Variants in TBC1D5 observed in about 807,000 individuals in gnomAD.
The protein encoded by TBC1D5 is TBC1 domain family, member 5.
TBC1D5 carries 75 observed loss-of-function variants against 100.3 expected under a neutral mutation model. The observed-to-expected ratio is 0.75, with a 90% confidence interval of 0.62 to 0.91. The LOEUF is 0.91. TBC1D5 is among the 40% of genes least tolerant of loss of function. The pLI is 0.00. For missense variants in TBC1D5, 910 were observed against 942.4 expected (o/e 0.97, Z 0.45); for synonymous variants, 323 against 325.6 (o/e 0.99, Z 0.09).
intron 3 of TBC1D5, among the ~76,000 whole-genome samples, chr3:17,459,218 C>A (rs958914667): frequency 3.3e-5 from 5 of 152,088 alleles, no homozygotes; most frequent in Non-Finnish European, 5.9e-5. Flanking sequence ...CTTTTTGGCC[C>A]CAAAAACTGG....
chr3:17,684,308 T>C (rs1057204991), intron 1 of TBC1D5, among the ~76,000 whole-genome samples: 2 of 152,146 alleles, frequency 1.3e-5, no homozygotes, highest in Non-Finnish European at 2.9e-5. Flanking sequence ...AATATTCATA[T>C]ATTCAATATT....
chr3:17,580,494 C>T (rs956561947), intron 2 of TBC1D5, among the ~76,000 whole-genome samples: 5 of 151,986 alleles, frequency 3.3e-5, no homozygotes, highest in African/African-American at 7.2e-5. Context: ...CGATATGCTC[C>T]GCCTTCCTTC....
chr3:17,512,486 C>T (rs1192910938), intron 2 of TBC1D5, among the ~76,000 whole-genome samples: 2 of 152,034 alleles, frequency 1.3e-5, no homozygotes, highest in East Asian at 1.9e-4. Flanking sequence ...AATATAAAGG[C>T]CAAAAACATG....
At chr3:17,382,945 G>A (rs2093008791) in intron 9 of TBC1D5, among the ~76,000 whole-genome samples, 1 of 151,778 alleles carries the variant, frequency 6.6e-6, no homozygotes, top group Admixed American at 6.6e-5. Flanking sequence ...CCTTATAAAT[G>A]CAATATATTT....
At chr3:17,675,106 A>C (rs1363643077) in intron 1 of TBC1D5, among the ~76,000 whole-genome samples, 1 of 152,098 alleles carries the variant, frequency 6.6e-6, no homozygotes, top group African/African-American at 2.4e-5. Flanking sequence ...AAAGTAAAAA[A>C]TAAATATCCC....
chr3:17,385,335 G>A (rs921210955), intron 8 of TBC1D5, among the ~76,000 whole-genome samples: 1 of 152,018 alleles, frequency 6.6e-6, no homozygotes, highest in African/African-American at 2.4e-5. Flanking sequence ...AGAGGAAGAT[G>A]ACCTAGAGCA....
chr3:17,655,459 T>TTAAATTAAATTA (rs10689924), intron 1 of TBC1D5, among the ~76,000 whole-genome samples: 4 of 148,680 alleles, frequency 2.7e-5, no homozygotes, highest in Non-Finnish European at 5.9e-5. Context: ...AGTATAATAA[T>TTAAATTAAATTA]AATTAAATTA....
intron 2 of TBC1D5, among the ~76,000 whole-genome samples, chr3:17,555,557 C>T (rs112561773): frequency 2.0e-5 from 3 of 152,092 alleles, no homozygotes; most frequent in African/African-American, 7.2e-5. Context: ...TATTGGACTC[C>T]CAGCTAATCT....
At chr3:17,186,901 A>C (rs952074171) in intron 18 of TBC1D5, among the ~76,000 whole-genome samples, 1 of 152,076 alleles carries the variant, frequency 6.6e-6, no homozygotes, top group Non-Finnish European at 1.5e-5. Context: ...ATAAGAACAA[A>C]TACTACAAGA....
chr3:17,453,923 G>C (rs975481028), intron 3 of TBC1D5, among the ~76,000 whole-genome samples: 8 of 152,308 alleles, frequency 5.3e-5, no homozygotes, highest in African/African-American at 1.7e-4. Flanking sequence ...TCATGACCAA[G>C]TGGGATTTAT....
intron 1 of TBC1D5, among the ~76,000 whole-genome samples, chr3:17,669,852 T>A (rs1281273928): frequency 6.6e-6 from 1 of 152,154 alleles, no homozygotes; most frequent in African/African-American, 2.4e-5. Flanking sequence ...AAGGTATATA[T>A]CTTTAACCGT....
intron 2 of TBC1D5, among the ~76,000 whole-genome samples, chr3:17,527,349 A>G (rs2096151171): frequency 6.6e-6 from 1 of 152,172 alleles, no homozygotes; most frequent in Non-Finnish European, 1.5e-5. Flanking sequence ...AAGACCATAA[A>G]GTGGGAAATA....
intron 14 of TBC1D5, among the ~76,000 whole-genome samples, chr3:17,292,629 T>C (rs2081881856): frequency 6.6e-6 from 1 of 152,192 alleles, no homozygotes; most frequent in African/African-American, 2.4e-5. Flanking sequence ...TTTAATTTTT[T>C]TTTTCAAATC....
intron 1 of TBC1D5, among the ~76,000 whole-genome samples, chr3:17,650,148 G>T (rs75639875): frequency 6.6e-6 from 1 of 152,084 alleles, no homozygotes; most frequent in East Asian, 1.9e-4. Flanking sequence ...CTTGCGGGGT[G>T]GGGGGCTGGG....
At position 17,367,732 on chromosome 3, in the gene TBC1D5, G is replaced by A. The variant is rs540034026; in HGVS notation, c.995+4343C>T. Among the ~76,000 whole-genome samples, 15 of 151,896 alleles carry A rather than the reference G, an allele frequency of 9.9e-5. No homozygotes were observed. In the South Asian group the frequency reaches 2.5e-3, roughly 25 times the overall value. Reference sequence around the variant, plus strand: ...AAATTAGCCAGGTGTGGTGGTGGGCGTCTATAATCCTAGCTACTCAGGAGG... The same window carrying A: ...AAATTAGCCAGGTGTGGTGGTGGGCATCTATAATCCTAGCTACTCAGGAGG... On this transcript the variant is annotated intron_variant, in intron 13 of 21. Coordinates refer to ENST00000253692, the Ensembl canonical transcript of TBC1D5.
At chr3:17,364,415 C>T (rs1209121259) in intron 13 of TBC1D5, among the ~76,000 whole-genome samples, 1 of 152,118 alleles carries the variant, frequency 6.6e-6, no homozygotes, top group Non-Finnish European at 1.5e-5. Context: ...AGACAAACTC[C>T]TTGCTGTCAC....
In TBC1D5 at chr3:17,463,943, C is replaced by CTTT. The variant is rs1025162858; in HGVS notation, c.98-35427_98-35425dup. On this transcript the variant is annotated intron_variant, in intron 3 of 21. Transcript: ENST00000253692. ...CAATCAATACTAGCATTCCTTATTC[C>CTTT]TTTTTTTTTTTTTTTTTTTTTTTTT... Among the ~76,000 whole-genome samples, 764 of 87,410 alleles carry CTTT rather than the reference C, an allele frequency of 8.7e-3. 5 individuals carry two copies. The highest frequency in any genetic ancestry group is 0.017 in the African/African-American group (370 of 21,346). 57.3% of individuals were successfully genotyped at this position (87,410 alleles called of 152,430 possible).
intron 4 of TBC1D5, among the ~76,000 whole-genome samples, chr3:17,421,480 A>G (rs748124349): frequency 6.6e-6 from 1 of 152,116 alleles, no homozygotes; most frequent in Non-Finnish European, 1.5e-5. Context: ...CTGATTCTTT[A>G]CTCATTTATT....
At chr3:17,626,898 C>T (rs1043094692) in intron 1 of TBC1D5, among the ~76,000 whole-genome samples, 1 of 152,112 alleles carries the variant, frequency 6.6e-6, no homozygotes, top group African/African-American at 2.4e-5. Flanking sequence ...AAATACCAGG[C>T]TGGAAAGTCT....
Sources: gnomAD v4.1 joint callset for allele counts (sites outside exome capture counted in the v4.1 genomes callset) on GRCh38, gnomAD v4.1.1 for gene constraint, MANE v1.5 for transcripts, NCBI Gene and HGNC (gene_info 2026-07-23, HGNC 2026-07-21) for gene names.